The following RCL1 variants were observed in gnomAD, a reference collection of about 807,000 sequenced individuals.
The protein encoded by RCL1 is RNA terminal phosphate cyclase like 1, also known as RNA 3'-terminal phosphate cyclase-like protein.
RCL1 carries 24 observed loss-of-function variants against 42.4 expected under a neutral mutation model. The observed-to-expected ratio is 0.57, with a 90% confidence interval of 0.41 to 0.80. The LOEUF is 0.80. Ranked by LOEUF, RCL1 falls within the 30% of genes least tolerant of loss-of-function variation. The pLI, the probability that RCL1 is intolerant of heterozygous loss-of-function variation, is 0.00. For missense variants in RCL1, 578 were observed against 467.9 expected (o/e 1.24, Z -2.17); for synonymous variants, 228 against 177.3 (o/e 1.29, Z -2.27).
intron 1 of RCL1, among the ~76,000 whole-genome samples, chr9:4,813,378 G>C (rs1388245726): frequency 6.6e-6 from 1 of 152,080 alleles, no homozygotes; most frequent in Non-Finnish European, 1.5e-5. Flanking sequence ...GTGGGCAAAG[G>C]ATATGAACAG....
At chr9:4,820,870 C>G (rs28654859) in intron 1 of RCL1, among the ~76,000 whole-genome samples, 2,266 of 152,330 alleles carry the variant, frequency 0.015, 57 homozygotes, top group African/African-American at 0.051. Context: ...ACTTACATCA[C>G]AACCTATTAC....
chr9:4,802,325 T>C (rs1337538042), intron 1 of RCL1, among the ~76,000 whole-genome samples: 1 of 152,172 alleles, frequency 6.6e-6, no homozygotes, highest in Non-Finnish European at 1.5e-5. Context: ...TCATTTTAGT[T>C]ATTCTAGTTC....
chr9:4,817,348 T>A (rs1008996622), intron 1 of RCL1, among the ~76,000 whole-genome samples: 4 of 152,096 alleles, frequency 2.6e-5, no homozygotes, highest in African/African-American at 9.6e-5. Context: ...TTAATCTTTT[T>A]AATTAATTAT....
chr9:4,857,831 C>G (rs1165406471), intron 8 of RCL1, among the ~76,000 whole-genome samples: 3 of 151,214 alleles, frequency 2.0e-5, no homozygotes, highest in Admixed American at 6.6e-5. Flanking sequence ...TGATATTTCA[C>G]AGTGGTTTTG....
At chr9:4,822,103 C>G (rs1228165783) in intron 1 of RCL1, among the ~76,000 whole-genome samples, 4 of 152,234 alleles carry the variant, frequency 2.6e-5, no homozygotes, top group Non-Finnish European at 5.9e-5. Context: ...TGGTGTTTCT[C>G]TGATTTCTAG....
chr9:4,856,254 G>A (rs916551792), intron 8 of RCL1, among the ~76,000 whole-genome samples: 4 of 152,150 alleles, frequency 2.6e-5, no homozygotes, highest in African/African-American at 4.8e-5. Context: ...AAGCAACAAC[G>A]ACAACAGAAA....
Position 4,844,801 on chromosome 9 carries a change from T to G in RCL1, c.867+120T>G, listed in dbSNP as rs374783435. The G allele has an allele frequency of 3.6e-5, 36 of 1,006,360 alleles. No individual in the cohort carries two copies. The South Asian group carries it at 5.5e-4, about 15-fold the overall frequency. The allele number at this position is 1,006,360 out of a possible 1,614,324, so 62.3% of individuals were successfully genotyped here. A position where few individuals can be genotyped will look rare whatever the true frequency, so the allele number is the denominator to read the frequency against. The stretch of plus-strand genomic sequence containing the variant: ...TCAAGCCAAGGAGATAATCTGTTCC[T>G]GTGCATTAAGCAGTTCAGCCTTAAC... On this transcript the variant is annotated intron_variant, in intron 7 of 8. Transcript: ENST00000381750.
intron 1 of RCL1, among the ~76,000 whole-genome samples, chr9:4,805,192 AAAAC>A (rs1297613203): frequency 6.6e-6 from 1 of 152,130 alleles, no homozygotes; most frequent in Non-Finnish European, 1.5e-5. Flanking sequence ...ATCTCTACAG[AAAAC>A]AAACAAAACA....
intron 3 of RCL1, among the ~76,000 whole-genome samples, chr9:4,829,177 G>A (rs1487475384): frequency 1.3e-5 from 2 of 152,238 alleles, no homozygotes; most frequent in African/African-American, 2.4e-5. Flanking sequence ...AAAGTGCTTA[G>A]TGTTAGAGAG....
At chr9:4,848,774 G>C (rs1373793435) in intron 7 of RCL1, among the ~76,000 whole-genome samples, 1 of 152,174 alleles carries the variant, frequency 6.6e-6, no homozygotes, top group Non-Finnish European at 1.5e-5. Context: ...TTGAAGAGAA[G>C]TCTGTTCTGC....
Position 4,826,889 on chromosome 9 carries a change from G to A in RCL1, c.240G>A (p.Leu80=). 1.2e-6 allele frequency: 2 copies of A among 1,614,132 alleles called. No individual in the cohort carries two copies. The highest frequency in any genetic ancestry group is 8.5e-7 in the Non-Finnish European group (1 of 1,179,994). ...GTTLYYQPGL[L]YGGSVEHDCS... is the part of the protein sequence containing the mutation. ...CCTTATATTATCAGCCTGGCCTCCT[G>A]TATGGTGGATCTGTGGAACATGACT... The change falls in exon 3 of 9, where the codon CTG becomes CTA. Residue 80 remains leucine (L), a synonymous_variant. Coordinates refer to ENST00000381750, the MANE Select transcript of RCL1 (RefSeq NM_005772.5).
chr9:4,801,323 C>A (rs116656445), intron 1 of RCL1, among the ~76,000 whole-genome samples: 3,419 of 152,192 alleles, frequency 0.022, 57 homozygotes, highest in African/African-American at 0.047. Flanking sequence ...AGGCACATAC[C>A]ATCATGCCCG....
intron 5 of RCL1, chr9:4,839,995 G>T: frequency 7.3e-6 from 5 of 681,800 alleles, no homozygotes; most frequent in Non-Finnish European, 9.0e-6. Flanking sequence ...GGAAGGAGTT[G>T]ATGGTGCAGA....
At chr9:4,844,466 G>A in intron 6 of RCL1, 59 bp from the exon 7 acceptor site, 1 of 1,305,422 alleles carries the variant, frequency 7.7e-7, no homozygotes, top group Non-Finnish European at 1.1e-6. Flanking sequence ...TCCGTTTGCT[G>A]GTGAGTGGAA....
intron 1 of RCL1, among the ~76,000 whole-genome samples, chr9:4,796,415 T>G (rs1490463912): frequency 6.6e-6 from 1 of 152,162 alleles, no homozygotes; most frequent in African/African-American, 2.4e-5. Context: ...ATTTCATTCT[T>G]TTTTTTGAGA....
At chr9:4,844,927 C>A (rs1358819127) in intron 7 of RCL1, among the ~76,000 whole-genome samples, 2 of 152,208 alleles carry the variant, frequency 1.3e-5, no homozygotes, top group Middle Eastern at 3.4e-3. Context: ...AAGGAAAGAA[C>A]TGGAACAGTC....
intron 1 of RCL1, among the ~76,000 whole-genome samples, chr9:4,795,173 G>C (rs1327633432): frequency 6.6e-6 from 1 of 152,066 alleles, no homozygotes; most frequent in African/African-American, 2.4e-5. Flanking sequence ...CGCCTCCTGG[G>C]TTCCTGCAAT....
At chr9:4,825,771 T>C (rs897837739) in intron 2 of RCL1, among the ~76,000 whole-genome samples, 1 of 152,068 alleles carries the variant, frequency 6.6e-6, no homozygotes, top group Non-Finnish European at 1.5e-5. Flanking sequence ...GGCATGGTGG[T>C]TCATGCCTGT....
chr9:4,848,357 A>T (rs10815096), intron 7 of RCL1, among the ~76,000 whole-genome samples: 53,187 of 152,040 alleles, frequency 0.35, 9,771 homozygotes, highest in South Asian at 0.46. Context: ...CTTCACCATT[A>T]TTAGGGCTAC....
Sources: allele counts gnomAD v4.1 joint callset (sites outside exome capture counted in the v4.1 genomes callset), GRCh38; gene constraint gnomAD v4.1.1; transcripts MANE v1.5; gene names NCBI Gene and HGNC (gene_info 2026-07-23, HGNC 2026-07-21).